Variants in ZDHHC20 observed in about 807,000 individuals in gnomAD.
ZDHHC20 encodes the protein palmitoyltransferase ZDHHC20.
Under a neutral mutation model 57.8 loss-of-function variants are expected in ZDHHC20, and 43 were observed. The ratio of observed to expected loss-of-function variants is 0.74; its 90% CI spans 0.58 to 0.96. The LOEUF is 0.96. ZDHHC20 is among the 40% of genes least tolerant of loss of function. The pLI is 0.00. For synonymous variants in ZDHHC20, 157 were observed against 153.0 expected (o/e 1.03, Z -0.19); for missense variants, 391 against 441.1 (o/e 0.89, Z 1.02).
intron 3 of ZDHHC20, 75 bp from the exon 4 acceptor site, chr13:21,413,847 C>T (rs9506675): frequency 7.5e-7 from 1 of 1,339,412 alleles, no homozygotes; most frequent in Non-Finnish European, 1.0e-6. Context: ...AAAGTTTTAT[C>T]TAGAAAAAAG....
chr13:21,409,106 G>C (rs1466233812), intron 4 of ZDHHC20, among the ~76,000 whole-genome samples: 1 of 152,154 alleles, frequency 6.6e-6, no homozygotes, highest in African/African-American at 2.4e-5. Flanking sequence ...TCGGTATCAG[G>C]ATGATGCTGG....
chr13:21,385,384 G>A lies in ZDHHC20; in HGVS notation c.854+2124C>T, dbSNP rs113200487. On this transcript the variant is annotated intron_variant, in intron 9 of 12. Transcript: ENST00000400590. ...GCACAGGTTGCAGTGAGCCTAGATCGTGCCACTGCACTCCAGCCTGGGCGA... is the reference window on the plus strand; with the variant it reads ...GCACAGGTTGCAGTGAGCCTAGATCATGCCACTGCACTCCAGCCTGGGCGA... 7.9e-3 allele frequency among the ~76,000 whole-genome samples: 1,199 copies of A among 152,226 alleles called. 19 individuals are homozygous for A. Among genetic ancestry groups the A allele is most frequent in the African/African-American group, 0.028 (1,143 of 41,542 alleles).
At chr13:21,393,169 G>A (rs1026113358) in intron 7 of ZDHHC20, among the ~76,000 whole-genome samples, 5 of 150,520 alleles carry the variant, frequency 3.3e-5, no homozygotes, top group South Asian at 2.1e-4. Context: ...AGCTGTTCAA[G>A]CACATTTCTT....
chr13:21,386,543 T>A (rs951817341), intron 9 of ZDHHC20, among the ~76,000 whole-genome samples: 2 of 152,144 alleles, frequency 1.3e-5, no homozygotes, highest in African/African-American at 4.8e-5. Flanking sequence ...TTTAGCAACA[T>A]CTAAAATTTT....
intron 1 of ZDHHC20, among the ~76,000 whole-genome samples, chr13:21,449,467 A>G (rs1006184633): frequency 2.6e-5 from 4 of 152,004 alleles, no homozygotes; most frequent in African/African-American, 4.8e-5. Context: ...GACTCCTTAC[A>G]TGATGACGGG....
At position 21,374,396 on chromosome 13, in the gene ZDHHC20, G is replaced by A. The variant is rs1479102436; in HGVS notation, c.*2300C>T. 2.2e-6 allele frequency: 1 copy of A among 455,720 alleles called. No individual in the cohort carries two copies. The highest frequency in any genetic ancestry group is 7.0e-5 in the East Asian group (1 of 14,372). The allele number at this position is 455,720 out of a possible 1,614,324, so 28.2% of individuals were successfully genotyped here. ...TGTGCCACCATGCCTGGACAGTTTT[G>A]GGGTTTTTTTGTATTTTTAGTGGAG... On this transcript the variant is annotated 3_prime_UTR_variant, in exon 13 of 13. Transcript: ENST00000400590.
At position 21,459,161 on chromosome 13, in the gene ZDHHC20, C is replaced by T. The variant is rs1489994139; in HGVS notation, c.11G>A (p.Trp4Ter). 1.9e-6 allele frequency: 3 copies of T among 1,600,686 alleles called. No homozygotes were observed. Among genetic ancestry groups the T allele is most frequent in the South Asian group, 1.1e-5 (1 of 89,398 alleles). MAP[W>*]TLWRCCQRVV... The stretch of plus-strand genomic sequence containing the variant: ...GCGCTGGCAGCAGCGCCACAGCGTC[C>T]AGGGCGCCATGTTCCGCTGGCGGCT... Residue 4 changes from tryptophan to a stop codon, truncating the protein, a stop_gained, in exon 1 of 13, where the codon TGG (tryptophan) becomes TAG (stop). Transcript: ENST00000400590. LOFTEE classifies it high-confidence loss of function.
intron 1 of ZDHHC20, among the ~76,000 whole-genome samples, chr13:21,440,973 T>C (rs1364363762): frequency 2.6e-5 from 4 of 152,178 alleles, no homozygotes; most frequent in Non-Finnish European, 4.4e-5. Context: ...GTTCCTCATA[T>C]ACTTCCTGCC....
At chr13:21,399,342 CTCAAATAAAAATAAAA>C (rs1317218148) in intron 7 of ZDHHC20, among the ~76,000 whole-genome samples, 4 of 151,214 alleles carry the variant, frequency 2.6e-5, no homozygotes, top group East Asian at 1.9e-4. Flanking sequence ...AAGATTCCGT[CTCAAATAAAAATAAAA>C]TCAAATAAAA....
Position 21,386,728 on chromosome 13 carries a change from T to C in ZDHHC20, c.854+780A>G, listed in dbSNP as rs553908486. The stretch of plus-strand genomic sequence containing the variant: ...CACACCCAGTTAATTTTTGTATTTT[T>C]AGTAGAGACCGGGTTTCACCATGTT... On this transcript the variant is annotated intron_variant, in intron 9 of 12. Transcript: ENST00000400590. 4.7e-4 allele frequency among the ~76,000 whole-genome samples: 72 copies of C among 152,292 alleles called. 1 individual carries two copies. Among genetic ancestry groups the C allele is most frequent in the South Asian group, 1.7e-3 (8 of 4,820 alleles).
intron 4 of ZDHHC20, among the ~76,000 whole-genome samples, chr13:21,406,940 C>T (rs193146019): frequency 3.2e-3 from 490 of 152,220 alleles, no homozygotes; most frequent in Non-Finnish European, 5.4e-3. Flanking sequence ...GGTTCTAGAT[C>T]CTTGAGGAAT....
intron 1 of ZDHHC20, among the ~76,000 whole-genome samples, chr13:21,447,302 G>GTCTCCC (rs1235997963): frequency 5.5e-5 from 8 of 145,438 alleles, no homozygotes; most frequent in Non-Finnish European, 9.2e-5. Context: ...CTCCCTCTCC[G>GTCTCCC]TCTCCCTCTC....
chr13:21,378,522 C>T (rs1379083834), intron 12 of ZDHHC20, 139 bp downstream of exon 12: 1 of 385,310 alleles, frequency 2.6e-6, no homozygotes, highest in Non-Finnish European at 4.5e-6. Context: ...GCAGATGTTA[C>T]ATTCTAGTCT....
intron 1 of ZDHHC20, among the ~76,000 whole-genome samples, chr13:21,452,243 T>TG (rs11372136): frequency 0.85 from 130,016 of 152,116 alleles, 55,891 homozygotes; most frequent in East Asian, 1. Flanking sequence ...GATCTTAATG[T>TG]GCGACAGAAA....
At position 21,402,746 on chromosome 13, in the gene ZDHHC20, A is replaced by G. The variant is rs1382683727; in HGVS notation, c.440+51T>C. Reference sequence around the variant, plus strand: ...ATGTTCCTTCCCCTTGCACTTTCCCATCACTGATTTCCAGTGCTAGATATT... The same window carrying G: ...ATGTTCCTTCCCCTTGCACTTTCCCGTCACTGATTTCCAGTGCTAGATATT... On this transcript the variant is annotated intron_variant, in intron 5 of 12. Coordinates refer to ENST00000400590, the MANE Select transcript of ZDHHC20 (RefSeq NM_001330059.2). 5 of 1,458,366 alleles carry G rather than the reference A, an allele frequency of 3.4e-6. No individual in the cohort carries two copies. In the African/African-American group the frequency reaches 7.0e-5, roughly 20 times the overall value. 90.3% of individuals were successfully genotyped at this position (1,458,366 alleles called of 1,614,324 possible).
chr13:21,415,180 T>C (rs1051256850), intron 3 of ZDHHC20, among the ~76,000 whole-genome samples: 3 of 152,180 alleles, frequency 2.0e-5, no homozygotes, highest in African/African-American at 7.2e-5. Flanking sequence ...TTGAGGAAAT[T>C]ATGATTCTAA....
chr13:21,449,490 G>T (rs1223764487), intron 1 of ZDHHC20, among the ~76,000 whole-genome samples: 5 of 152,094 alleles, frequency 3.3e-5, no homozygotes, highest in African/African-American at 1.2e-4. Context: ...TGTCCCAAAA[G>T]AGCTAAGGCA....
At chr13:21,381,156 G>A (rs1172928219) in intron 11 of ZDHHC20, among the ~76,000 whole-genome samples, 1 of 151,778 alleles carries the variant, frequency 6.6e-6, no homozygotes, top group African/African-American at 2.4e-5. Flanking sequence ...ACAGGCGCCC[G>A]CCACCACGCC....
intron 1 of ZDHHC20, among the ~76,000 whole-genome samples, chr13:21,431,975 A>AT (rs1175219935): frequency 6.6e-6 from 1 of 151,926 alleles, no homozygotes; most frequent in African/African-American, 2.4e-5. Context: ...TAATTTATCA[A>AT]TTTTTTTCTT....
Sources: gnomAD v4.1 joint callset for allele counts (sites outside exome capture counted in the v4.1 genomes callset) on GRCh38, gnomAD v4.1.1 for gene constraint, MANE v1.5 for transcripts, NCBI Gene and HGNC (gene_info 2026-07-23, HGNC 2026-07-21) for gene names.